The following PDE4D variants were observed in gnomAD, a reference collection of about 807,000 sequenced individuals.
The protein encoded by PDE4D is phosphodiesterase 4D.
PDE4D carries 24 observed loss-of-function variants against 87.4 expected under a neutral mutation model. The ratio of observed to expected loss-of-function variants is 0.27; its 90% CI spans 0.20 to 0.39. The LOEUF is 0.39. PDE4D is among the 10% of genes least tolerant of loss of function. The pLI, the probability that PDE4D is intolerant of heterozygous loss-of-function variation, is 1.00. For missense variants in PDE4D, 714 were observed against 1,041.0 expected, an observed-to-expected ratio of 0.69 and a Z score of 4.32; for synonymous variants, 384 against 383.2, an observed-to-expected ratio of 1.00 and a Z score of -0.02.
chr5:59,297,028 T>A (rs975799203), intron 1 of PDE4D, among the ~76,000 whole-genome samples: 1 of 152,164 alleles, frequency 6.6e-6, no homozygotes, highest in Admixed American at 6.6e-5. Context: ...TAATTAGGTA[T>A]AAATAGGTGA....
chr5:59,561,161 T>C (rs779408295), intron 1 of PDE4D, among the ~76,000 whole-genome samples: 11 of 152,218 alleles, frequency 7.2e-5, no homozygotes, highest in Admixed American at 3.3e-4. Context: ...CTGGAATCTC[T>C]AACCCTTTCT....
intron 5 of PDE4D, among the ~76,000 whole-genome samples, chr5:59,130,440 A>G (rs917064774): frequency 6.6e-6 from 1 of 152,242 alleles, no homozygotes; most frequent in African/African-American, 2.4e-5. Flanking sequence ...ATGTTACTAC[A>G]AAATTGAGTT....
intron 1 of PDE4D, among the ~76,000 whole-genome samples, chr5:59,256,733 G>A (rs1761045424): frequency 6.6e-6 from 1 of 151,932 alleles, no homozygotes; most frequent in African/African-American, 2.4e-5. Flanking sequence ...CTATTTAGCT[G>A]CATTGGCATC....
chr5:59,463,968 TG>T, intron 1 of PDE4D, among the ~76,000 whole-genome samples: 1 of 152,352 alleles, frequency 6.6e-6, no homozygotes, highest in East Asian at 1.9e-4. Flanking sequence ...CAGGGTTGAA[TG>T]GATTAAGGGT....
chr5:59,888,164 T>G (rs1486393826), intron 1 of PDE4D, among the ~76,000 whole-genome samples: 1 of 152,236 alleles, frequency 6.6e-6, no homozygotes, highest in Non-Finnish European at 1.5e-5. Context: ...TTACCTATTT[T>G]CATGCTACTG....
chr5:59,914,057 T>C (rs561351185), intron 3 of PDE4D, among the ~76,000 whole-genome samples: 1 of 142,524 alleles, frequency 7.0e-6, no homozygotes, highest in Admixed American at 7.4e-5. Flanking sequence ...AAATTCTAAG[T>C]TGAAATTGAC....
At chr5:59,284,036 T>C (rs957368651) in intron 1 of PDE4D, among the ~76,000 whole-genome samples, 1 of 152,154 alleles carries the variant, frequency 6.6e-6, no homozygotes, top group Admixed American at 6.6e-5. Flanking sequence ...TGAGAAAACA[T>C]GCTGTCCAAT....
intron 5 of PDE4D, among the ~76,000 whole-genome samples, chr5:59,160,757 G>A (rs1293992037): frequency 6.6e-6 from 1 of 152,110 alleles, no homozygotes; most frequent in African/African-American, 2.4e-5. Flanking sequence ...TCCCTTAGTG[G>A]CAGGCGTAAT....
At chr5:59,116,705 G>A (rs1211552082) in intron 5 of PDE4D, among the ~76,000 whole-genome samples, 3 of 152,152 alleles carry the variant, frequency 2.0e-5, no homozygotes, top group Non-Finnish European at 4.4e-5. Context: ...AAATGATGAC[G>A]CTGCAGCCAG....
intron 1 of PDE4D, among the ~76,000 whole-genome samples, chr5:59,309,693 T>C (rs1772183368): frequency 6.6e-6 from 1 of 152,148 alleles, no homozygotes; most frequent in South Asian, 2.1e-4. Flanking sequence ...GTTCTTGCAG[T>C]CAATCTGGAG....
chr5:59,563,827 C>T (rs1401941776), intron 1 of PDE4D, among the ~76,000 whole-genome samples: 1 of 152,164 alleles, frequency 6.6e-6, no homozygotes, highest in Admixed American at 6.5e-5. Context: ...AAGAGATGCA[C>T]ATTACATACA....
At chr5:59,581,697 A>G (rs966516880) in intron 1 of PDE4D, among the ~76,000 whole-genome samples, 2 of 152,210 alleles carry the variant, frequency 1.3e-5, no homozygotes, top group African/African-American at 4.8e-5. Context: ...CTCCTCTATC[A>G]TAGCATACTT....
intron 1 of PDE4D, among the ~76,000 whole-genome samples, chr5:60,454,066 A>G (rs976583907): frequency 2.0e-5 from 3 of 152,154 alleles, no homozygotes; most frequent in Non-Finnish European, 4.4e-5. Flanking sequence ...GATATAATTC[A>G]CTAGAACTAT....
intron 1 of PDE4D, among the ~76,000 whole-genome samples, chr5:60,516,805 T>C (rs2150261486): frequency 6.6e-6 from 1 of 152,292 alleles, no homozygotes; most frequent in East Asian, 1.9e-4. Flanking sequence ...TGGTGGCCCA[T>C]CTGGAGTGGC....
At chr5:60,458,664 T>C (rs1444878265) in intron 1 of PDE4D, among the ~76,000 whole-genome samples, 1 of 151,968 alleles carries the variant, frequency 6.6e-6, no homozygotes, top group African/African-American at 2.4e-5. Context: ...AGGGATAAAT[T>C]AAATTATTAA....
intron 2 of PDE4D, among the ~76,000 whole-genome samples, chr5:60,106,460 G>A (rs1432123373): frequency 6.6e-6 from 1 of 151,872 alleles, no homozygotes; most frequent in Non-Finnish European, 1.5e-5. Flanking sequence ...GAGACAGAAA[G>A]TTAACAAGGA....
chr5:60,032,857 G>A (rs1340084695), intron 2 of PDE4D: 1 of 152,188 alleles, frequency 6.6e-6, no homozygotes, highest in Non-Finnish European at 1.5e-5. Context: ...CTCAGAGAGA[G>A]AAACTACATT....
At chr5:59,941,957 A>G (rs1366445766) in intron 3 of PDE4D, among the ~76,000 whole-genome samples, 1 of 152,230 alleles carries the variant, frequency 6.6e-6, no homozygotes, top group Non-Finnish European at 1.5e-5. Context: ...AACTATGGCC[A>G]GGATGAGAAA....
chr5:60,272,631 G>C (rs1006286218), intron 1 of PDE4D, among the ~76,000 whole-genome samples: 2 of 152,082 alleles, frequency 1.3e-5, no homozygotes, highest in African/African-American at 4.8e-5. Flanking sequence ...CCCAGAAACT[G>C]AAAGAGAGAG....
Sources: gnomAD v4.1 joint callset for allele counts (sites outside exome capture counted in the v4.1 genomes callset) on GRCh38, gnomAD v4.1.1 for gene constraint, MANE v1.5 for transcripts, NCBI Gene and HGNC (gene_info 2026-07-23, HGNC 2026-07-21) for gene names.